Variants in TSHZ3 observed in about 807,000 individuals in gnomAD.
TSHZ3 encodes the protein teashirt zinc finger homeobox 3.
A neutral mutation model predicts 64.5 loss-of-function variants in TSHZ3; 10 were observed. The ratio of observed to expected loss-of-function variants is 0.16; its 90% CI spans 0.10 to 0.26. TSHZ3 has a LOEUF of 0.26. Among genes scored for constraint, TSHZ3 ranks in the 10% least tolerant of loss-of-function variants. The probability of loss-of-function intolerance (pLI) is 1.00; values close to 1 mark genes in which losing one functional copy is unlikely to be tolerated. For missense variants in TSHZ3, 1,242 were observed against 1,421.7 expected (o/e 0.87, Z 2.03); for synonymous variants, 608 against 593.1 (o/e 1.03, Z -0.36).
At chr19:31,167,324 A>G (rs528157626) in intron 5 of TSHZ3, among the ~76,000 whole-genome samples, 1 of 152,308 alleles carries the variant, frequency 6.6e-6, no homozygotes, top group East Asian at 1.9e-4. Context: ...TAGCCTAGGT[A>G]AATTACCCTT....
At chr19:31,252,909 TATA>T (rs1975860893) in intron 1 of TSHZ3, among the ~76,000 whole-genome samples, 1 of 152,218 alleles carries the variant, frequency 6.6e-6, no homozygotes, top group Non-Finnish European at 1.5e-5. Flanking sequence ...TGTCCTCAGT[TATA>T]AGGCACAAAT....
intron 4 of TSHZ3, chr19:31,207,743 T>C (rs1312965629): frequency 1.3e-5 from 2 of 152,236 alleles, no homozygotes; most frequent in Middle Eastern, 3.2e-3. Context: ...GCCAGATCGA[T>C]AGAGGAATTT....
At chr19:31,336,586 G>A (rs1010851705) in intron 1 of TSHZ3, among the ~76,000 whole-genome samples, 18 of 152,158 alleles carry the variant, frequency 1.2e-4, no homozygotes, top group African/African-American at 4.1e-4. Flanking sequence ...TCTAAGGAAC[G>A]AAGTTTCAGA....
At chr19:31,165,576 G>T (rs529346744) in intron 5 of TSHZ3, among the ~76,000 whole-genome samples, 1 of 152,080 alleles carries the variant, frequency 6.6e-6, no homozygotes, top group African/African-American at 2.4e-5. Flanking sequence ...GAGAAGACCC[G>T]AGTGCAGCTC....
At chr19:31,167,264 T>A (rs1306973381) in intron 5 of TSHZ3, among the ~76,000 whole-genome samples, 1 of 152,222 alleles carries the variant, frequency 6.6e-6, no homozygotes, top group Non-Finnish European at 1.5e-5. Flanking sequence ...AATTTACTGA[T>A]CTGCTTAATG....
At chr19:31,306,171 G>A (rs1321715416) in intron 1 of TSHZ3, among the ~76,000 whole-genome samples, 1 of 152,168 alleles carries the variant, frequency 6.6e-6, no homozygotes, top group Admixed American at 6.5e-5. Context: ...CATTCCCGGG[G>A]TGGCCTTGCA....
At chr19:31,230,212 A>G (rs889836551) in intron 3 of TSHZ3, among the ~76,000 whole-genome samples, 1 of 152,226 alleles carries the variant, frequency 6.6e-6, no homozygotes, top group African/African-American at 2.4e-5. Flanking sequence ...TAAAAAAATC[A>G]TACTGAGAAT....
At chr19:31,216,801 A>AT (rs887636450) in intron 4 of TSHZ3, among the ~76,000 whole-genome samples, 2 of 151,468 alleles carry the variant, frequency 1.3e-5, no homozygotes, top group South Asian at 2.1e-4. Flanking sequence ...CGCCTGGCCA[A>AT]TTTTTTTTAT....
intron 4 of TSHZ3, among the ~76,000 whole-genome samples, chr19:31,211,344 G>A (rs1206274722): frequency 1.3e-5 from 2 of 152,180 alleles, no homozygotes; most frequent in East Asian, 1.9e-4. Flanking sequence ...ATGAGGGAGG[G>A]GTAGATTTCC....
chr19:31,329,176 A>T (rs1053621574), intron 1 of TSHZ3, among the ~76,000 whole-genome samples: 2 of 152,246 alleles, frequency 1.3e-5, no homozygotes, highest in Middle Eastern at 3.2e-3. Flanking sequence ...AAGTTGAAAT[A>T]AGCTACCCAA....
At chr19:31,180,315 C>G (rs1974693453) in intron 5 of TSHZ3, among the ~76,000 whole-genome samples, 1 of 152,136 alleles carries the variant, frequency 6.6e-6, no homozygotes, top group African/African-American at 2.4e-5. Flanking sequence ...GGGCTGTACA[C>G]CTGCTTTCTA....
At chr19:31,157,883 G>A (rs558311791) in intron 5 of TSHZ3, among the ~76,000 whole-genome samples, 8 of 152,304 alleles carry the variant, frequency 5.3e-5, no homozygotes, top group Non-Finnish European at 4.4e-5. Context: ...AGGCCTCGAT[G>A]TTTGAGGCAT....
At chr19:31,220,717 G>T (rs911608728) in intron 4 of TSHZ3, among the ~76,000 whole-genome samples, 1 of 152,140 alleles carries the variant, frequency 6.6e-6, no homozygotes, top group African/African-American at 2.4e-5. Flanking sequence ...TCTGAGAAGT[G>T]GTGCACTTCA....
chr19:31,207,015 A>G (rs1007278401), intron 4 of TSHZ3, among the ~76,000 whole-genome samples: 2 of 152,194 alleles, frequency 1.3e-5, no homozygotes, highest in Admixed American at 6.5e-5. Flanking sequence ...TTCTTCCAAA[A>G]TTGCAGAAAT....
intron 1 of TSHZ3, among the ~76,000 whole-genome samples, chr19:31,291,710 T>C (rs1327097056): frequency 1.3e-5 from 2 of 152,236 alleles, no homozygotes; most frequent in Non-Finnish European, 2.9e-5. Flanking sequence ...TTCAAGCACA[T>C]TTAAACTGAC....
At chr19:31,305,394 T>C (rs1916265443) in intron 1 of TSHZ3, 1 of 151,872 alleles carries the variant, frequency 6.6e-6, no homozygotes, top group African/African-American at 2.4e-5. Flanking sequence ...TTTACATCCA[T>C]TGCCTTTGAA....
chr19:31,179,138 A>T (rs897398002), intron 5 of TSHZ3, among the ~76,000 whole-genome samples: 2 of 152,122 alleles, frequency 1.3e-5, no homozygotes, highest in African/African-American at 2.4e-5. Flanking sequence ...GACTACTCAC[A>T]ACAATGGGGA....
intron 1 of TSHZ3, among the ~76,000 whole-genome samples, chr19:31,265,450 A>C (rs372603008): frequency 7.5e-4 from 114 of 151,554 alleles, no homozygotes; most frequent in African/African-American, 2.4e-3. Flanking sequence ...AAAAGAAAAG[A>C]AAAGAAAAGA....
chr19:31,337,755 A>AC, intron 1 of TSHZ3, among the ~76,000 whole-genome samples: 1 of 152,080 alleles, frequency 6.6e-6, no homozygotes, highest in African/African-American at 2.4e-5. Flanking sequence ...ACACACACAA[A>AC]GTTGCCTGGA....
Sources: allele counts gnomAD v4.1 joint callset (sites outside exome capture counted in the v4.1 genomes callset), GRCh38; gene constraint gnomAD v4.1.1; transcripts MANE v1.5; gene names NCBI Gene and HGNC (gene_info 2026-07-23, HGNC 2026-07-21).